The following CAPN11 variants were observed in gnomAD, a reference collection of about 807,000 sequenced individuals.
CAPN11 encodes calpain-11.
CAPN11 carries 108 observed loss-of-function variants against 105.3 expected under a neutral mutation model. The observed-to-expected ratio is 1.03, with a 90% CI of 0.88 to 1.20. The LOEUF (loss-of-function observed/expected upper bound fraction) is 1.20, where lower values mean the gene tolerates loss of function less well. Among genes scored for constraint, CAPN11 ranks in the 50% most tolerant of loss-of-function variants. The pLI, the probability that CAPN11 is intolerant of heterozygous loss-of-function variation, is 0.00. For missense variants in CAPN11, 883 were observed against 924.8 expected (o/e 0.95, Z 0.59); for synonymous variants, 329 against 344.5 (o/e 0.96, Z 0.50).
chr6:44,160,779 C>T (rs1031359674), intron 1 of CAPN11, among the ~76,000 whole-genome samples: 10 of 152,196 alleles, frequency 6.6e-5, no homozygotes, highest in African/African-American at 1.9e-4. Context: ...TTCAGTTACC[C>T]GCTGTCAACT....
At position 44,172,369 on chromosome 6, in the gene CAPN11, GC is replaced by G. The variant is rs1175980598; in HGVS notation, c.480del (p.Arg161GlufsTer24). ...GCCCCAAACTGCTATACCGCGTGGT[GC>G]CCAGAGGACAGAGCTTCAAGAAAAA... ...TCPKLLYRVV[P>X]RGQSFKKNYA... On this transcript the variant is annotated frameshift_variant, in exon 5 of 23. Transcript: ENST00000398776. LOFTEE classifies it high-confidence loss of function. 2 of 1,561,970 alleles carry G rather than the reference GC, an allele frequency of 1.3e-6. No individual in the cohort carries two copies. The highest frequency in any genetic ancestry group is 1.9e-5 in the Admixed American group (1 of 52,376).
rs567149206 is a variant in CAPN11, at chr6:44,175,980, G to A, written c.832-88G>A. On this transcript the variant is annotated intron_variant, in intron 7 of 22. Transcript: ENST00000398776. ...AGTTTAGTTTAAAAAAATTAACCTG[G>A]AGAGCTCGCCCCTTCCTTTGGGTGC... 1.4e-3 allele frequency: 1,049 copies of A among 745,878 alleles called. 2 individuals carry two copies. The highest frequency in any genetic ancestry group is 1.9e-3 in the Non-Finnish European group (831 of 427,486). 46.2% of individuals were successfully genotyped at this position (745,878 alleles called of 1,614,324 possible).
chr6:44,170,886 C>T (rs1305499833), intron 4 of CAPN11, among the ~76,000 whole-genome samples: 1 of 152,172 alleles, frequency 6.6e-6, no homozygotes, highest in African/African-American at 2.4e-5. Flanking sequence ...GGGTTTCTTC[C>T]AGATCCCTCG....
At chr6:44,160,653 C>A (rs1768614172) in intron 1 of CAPN11, among the ~76,000 whole-genome samples, 2 of 152,114 alleles carry the variant, frequency 1.3e-5, no homozygotes, top group Non-Finnish European at 2.9e-5. Context: ...ACAACAACAA[C>A]AAAATGATCT....
chr6:44,167,139 C>G (rs1250237845), intron 2 of CAPN11, among the ~76,000 whole-genome samples: 9 of 152,052 alleles, frequency 5.9e-5, no homozygotes, highest in Non-Finnish European at 2.9e-5. Context: ...TGACCCGGTC[C>G]GACACCAGCA....
chr6:44,177,365 G>C lies in CAPN11; in HGVS notation c.1361G>C (p.Arg454Pro). 4.3e-6 allele frequency: 7 copies of C among 1,613,872 alleles called. No individual in the cohort carries two copies. The highest frequency in any genetic ancestry group is 5.9e-6 in the Non-Finnish European group (7 of 1,179,866). ...CLVALMQKNW[R>P]HARQQGAQLQ... ...GTGGCCCTAATGCAGAAGAACTGGC[G>C]GCATGCACGGCAGCAGGGAGCCCAG... Residue 454 changes from arginine (R) to proline (P), a missense_variant, in exon 12 of 23, where the codon CGG (arginine) becomes CCG (proline). By Grantham distance (103) the Arg-to-Pro change is moderately radical (BLOSUM62 -2). Transcript: ENST00000398776.
intron 18 of CAPN11, 100 bp downstream of exon 18, chr6:44,181,097 G>C: frequency 8.0e-7 from 1 of 1,253,074 alleles, no homozygotes; most frequent in South Asian, 1.2e-5. Flanking sequence ...CCCTGATGGG[G>C]ATTAGGCTCT....
chr6:44,162,124 C>A (rs1225644956), intron 1 of CAPN11, among the ~76,000 whole-genome samples: 1 of 152,106 alleles, frequency 6.6e-6, no homozygotes, highest in East Asian at 1.9e-4. Context: ...GCCGTAATCA[C>A]CCCGGGTTGA....
At chr6:44,160,630 A>G (rs1368173596) in intron 1 of CAPN11, among the ~76,000 whole-genome samples, 4 of 152,126 alleles carry the variant, frequency 2.6e-5, no homozygotes, top group Admixed American at 1.3e-4. Flanking sequence ...AAAAACCTCA[A>G]AAAACAACAA....
intron 2 of CAPN11, 66 bp from the exon 3 acceptor site, chr6:44,169,215 T>C: frequency 6.7e-7 from 1 of 1,483,004 alleles, no homozygotes; most frequent in Non-Finnish European, 9.0e-7. Context: ...ATTACAGGAG[T>C]GAACCACTGT....
chr6:44,161,725 C>T lies in CAPN11; in HGVS notation c.16+2861C>T. On this transcript the variant is annotated intron_variant, in intron 1 of 22. Transcript: ENST00000398776. ...GGAGTTAAGATGGAACCTGAATTGC[C>T]TTGGCCTGCCCTCTGATGTTCTTTC... 4 of 453,666 alleles carry T rather than the reference C, an allele frequency of 8.8e-6. No homozygotes were observed. In the Admixed American group the frequency reaches 9.4e-5, roughly 11 times the overall value. 28.1% of individuals were successfully genotyped at this position (453,666 alleles called of 1,614,324 possible). A position where few individuals can be genotyped will look rare whatever the true frequency, so the allele number is the denominator to read the frequency against.
intron 19 of CAPN11, among the ~76,000 whole-genome samples, chr6:44,181,890 G>C (rs1422994099): frequency 1.7e-5 from 1 of 58,368 alleles, no homozygotes; most frequent in African/African-American, 6.0e-5. Flanking sequence ...CTCACATACA[G>C]ACACAACCAC....
rs1471723882 is a variant in CAPN11 at position 44,158,844 on chromosome 6, C to T, written c.-5C>T. 5 of 1,551,236 alleles carry T rather than the reference C, an allele frequency of 3.2e-6. No individual in the cohort carries two copies. In the African/African-American group the frequency reaches 5.5e-5, roughly 17 times the overall value. On this transcript the variant is annotated 5_prime_UTR_variant, in exon 1 of 23. Coordinates refer to ENST00000398776, the MANE Select transcript of CAPN11 (RefSeq NM_007058.4). ...CAACTGTCAAGCACCGAGCTAGCCA[C>T]CAGCATGCTGTACTCCCCAGGTAGG...
At chr6:44,172,500 T>C (rs1202029963) in intron 5 of CAPN11, 80 bp downstream of exon 5, 3 of 836,650 alleles carry the variant, frequency 3.6e-6, no homozygotes, top group Non-Finnish European at 5.4e-6. Flanking sequence ...TTACCTTCTT[T>C]CCTTTTGAAA....
At chr6:44,158,934 G>T (rs1768188835) in intron 1 of CAPN11, 70 bp downstream of exon 1, 2 of 1,309,934 alleles carry the variant, frequency 1.5e-6, no homozygotes, top group Admixed American at 2.2e-5. Context: ...CAGGGGAGGA[G>T]CTGTGTCCCG....
At chr6:44,170,311 A>G (rs1412263301) in intron 4 of CAPN11, among the ~76,000 whole-genome samples, 2 of 152,234 alleles carry the variant, frequency 1.3e-5, no homozygotes, top group Non-Finnish European at 2.9e-5. Context: ...TCAGAAGCAG[A>G]ATCACTGGAT....
rs746025988 is a variant in CAPN11 at position 44,166,846 on chromosome 6, G to A, written c.88+17G>A. ...CATGTGCGGGTAGGACTGCAGACCC[G>A]TCGTGGCTCTGTGGCCTCCCTTTTT... On this transcript the variant is annotated intron_variant, in intron 2 of 22. Coordinates refer to ENST00000398776, the MANE Select transcript of CAPN11 (RefSeq NM_007058.4). The A allele has an allele frequency of 1.5e-5, 23 of 1,527,194 alleles. No individual in the cohort carries two copies. In the South Asian group the frequency reaches 2.4e-4, roughly 16 times the overall value. The allele number at this position is 1,527,194 out of a possible 1,614,324, so 94.6% of individuals were successfully genotyped here.
chr6:44,181,148 C>G, intron 18 of CAPN11, 104 bp from the exon 19 acceptor site: 1 of 1,233,114 alleles, frequency 8.1e-7, no homozygotes, highest in Non-Finnish European at 1.2e-6. Flanking sequence ...TGCTACAGTA[C>G]CGGAACCCCA....
chr6:44,167,719 G>C (rs1341570187), intron 2 of CAPN11, among the ~76,000 whole-genome samples: 1 of 151,874 alleles, frequency 6.6e-6, no homozygotes. Context: ...AGACCGGTCT[G>C]GGCAACATAG....
Sources: allele counts gnomAD v4.1 joint callset (sites outside exome capture counted in the v4.1 genomes callset), GRCh38; gene constraint gnomAD v4.1.1; transcripts MANE v1.5; gene names NCBI Gene and HGNC (gene_info 2026-07-23, HGNC 2026-07-21).